Variants in ERAP1 observed in about 807,000 individuals in gnomAD.
ERAP1 encodes the protein endoplasmic reticulum aminopeptidase 1, also known as adipocyte-derived leucine aminopeptidase.
ERAP1 carries 86 observed loss-of-function variants against 103.7 expected under a neutral mutation model. The observed-to-expected ratio is 0.83, with a 90% CI of 0.70 to 0.99. ERAP1 has a LOEUF of 0.99. Ranked by LOEUF, ERAP1 falls within the 50% of genes least tolerant of loss-of-function variation. The pLI is 0.00. For missense variants in ERAP1, 1,009 were observed against 1,128.4 expected (o/e 0.89, Z 1.52); for synonymous variants, 398 against 402.4 (o/e 0.99, Z 0.13).
intron 15 of ERAP1, 81 bp from the exon 16 acceptor site, chr5:96,781,935 G>T: frequency 7.8e-7 from 1 of 1,274,042 alleles, no homozygotes. Flanking sequence ...ACTATGAACT[G>T]CTGAACTTTC....
chr5:96,927,490 T>C, the ERAP1 span, among the ~76,000 whole-genome samples: 1 of 152,184 alleles, frequency 6.6e-6, no homozygotes, highest in Admixed American at 6.5e-5. Flanking sequence ...GCTACTTTTT[T>C]TTTTTGTTTG....
the ERAP1 span, among the ~76,000 whole-genome samples, chr5:96,838,819 A>G: frequency 5.9e-5 from 9 of 152,130 alleles, no homozygotes; most frequent in Admixed American, 5.9e-4. Flanking sequence ...TAACACACAC[A>G]CACACACACA....
chr5:96,925,911 CT>C, the ERAP1 span, among the ~76,000 whole-genome samples: 936 of 105,618 alleles, frequency 8.9e-3, 2 homozygotes, highest in African/African-American at 0.017. Flanking sequence ...GTATAATTTG[CT>C]TTTTTTTTTT....
At chr5:96,820,036 T>A in the ERAP1 span, among the ~76,000 whole-genome samples, 1 of 152,142 alleles carries the variant, frequency 6.6e-6, no homozygotes, top group Non-Finnish European at 1.5e-5. Flanking sequence ...AGAATCCACA[T>A]CCCAACCCAA....
chr5:96,880,778 C>T, the ERAP1 span, among the ~76,000 whole-genome samples: 2 of 152,190 alleles, frequency 1.3e-5, no homozygotes, highest in African/African-American at 4.8e-5. Flanking sequence ...ATGTGCCAGG[C>T]ACTGCACTAG....
rs1013152028 is a variant in ERAP1, at chr5:96,788,704, G to C, written c.1525-19C>G. The stretch of plus-strand genomic sequence containing the variant: ...GCCAATGCTGGTGTGTACACAAAAA[G>C]GCAGACACATCACCCATTTAACCCA... On this transcript the variant is annotated intron_variant, in intron 10 of 18. Transcript: ENST00000443439. The C allele has an allele frequency of 1.1e-5, 17 of 1,612,846 alleles. No individual in the cohort carries two copies. Among genetic ancestry groups the C allele is most frequent in the Non-Finnish European group, 1.4e-5 (17 of 1,179,736 alleles).
At chr5:96,889,359 G>T in the ERAP1 span, 8 of 1,588,266 alleles carry the variant, frequency 5.0e-6, no homozygotes, top group South Asian at 1.1e-5. Flanking sequence ...AACTTGCTTT[G>T]ATCTCTTCCC....
At chr5:96,923,292 A>G in the ERAP1 span, among the ~76,000 whole-genome samples, 6 of 152,312 alleles carry the variant, frequency 3.9e-5, no homozygotes, top group South Asian at 4.1e-4. Context: ...TTTTAAGACC[A>G]AGGGAAACAT....
chr5:96,806,049 A>G (rs2151010554), intron 1 of ERAP1: 1 of 152,210 alleles, frequency 6.6e-6, no homozygotes, highest in East Asian at 1.9e-4. Context: ...GGGCTTGGTA[A>G]AAACTCCATG....
Position 96,800,914 on chromosome 5 carries a change from G to A in ERAP1, c.611C>T (p.Ser204Leu). The change falls in exon 3 of 19, where the codon TCA becomes TTA. Residue 204 changes from serine to leucine, a missense_variant. Around this residue, in one of 3 missense-constraint regions of ERAP1, gnomAD observed 392 missense variants for 455.2 expected, o/e 0.86. Coordinates refer to ENST00000443439, the MANE Select transcript of ERAP1 (RefSeq NM_001040458.3). ...CCTTGGCTCTCTTCTAATTTTGATT[G>A]AGAAACTTGCTTTGAAGGCAGGTTC... ...FDEPAFKASF[S>L]IKIRREPRHL... The A allele has an allele frequency of 1.2e-6, 2 of 1,614,134 alleles. No homozygotes were observed. Among genetic ancestry groups the A allele is most frequent in the Non-Finnish European group, 1.7e-6 (2 of 1,180,020 alleles).
intron 19 of ERAP1, chr5:96,766,247 A>G (rs1458899284): frequency 1.5e-6 from 1 of 669,194 alleles, no homozygotes; most frequent in African/African-American, 1.8e-5. Context: ...ACAATAGCAT[A>G]AAACATACCA....
the ERAP1 span, among the ~76,000 whole-genome samples, chr5:96,861,560 C>T: frequency 6.6e-6 from 1 of 152,158 alleles, no homozygotes; most frequent in Non-Finnish European, 1.5e-5. Flanking sequence ...GGCAATGTTT[C>T]CTCTGATGCT....
At chr5:96,781,328 A>G in intron 16 of ERAP1, 130 bp from the exon 17 acceptor site, 1 of 895,570 alleles carries the variant, frequency 1.1e-6, no homozygotes, top group South Asian at 1.6e-5. Context: ...TAAATGGGTA[A>G]CCACAATCCT....
At chr5:96,787,038 G>A (rs1776105453) in intron 11 of ERAP1, among the ~76,000 whole-genome samples, 1 of 152,100 alleles carries the variant, frequency 6.6e-6, no homozygotes, top group African/African-American at 2.4e-5. Flanking sequence ...AGACTGAAGA[G>A]TTGTTTCAGA....
At chr5:96,872,466 G>C in the ERAP1 span, among the ~76,000 whole-genome samples, 1 of 152,156 alleles carries the variant, frequency 6.6e-6, no homozygotes, top group Non-Finnish European at 1.5e-5. Flanking sequence ...AAGTGTGGTA[G>C]TGCACACCTG....
In ERAP1 at chr5:96,793,597, CAT is replaced by C; in HGVS notation, c.1075-86_1075-85del. The C allele has an allele frequency of 7.7e-6, 9 of 1,166,478 alleles. No homozygotes were observed. The South Asian group carries it at 1.1e-4, about 15-fold the overall frequency. The allele number at this position is 1,166,478 out of a possible 1,614,324, so 72.3% of individuals were successfully genotyped here. ...TCCAATATAAGTTTATGAATGTTAA[CAT>C]ATATTTACAGGACCAATATTTAATC... On this transcript the variant is annotated intron_variant, in intron 6 of 18. Transcript: ENST00000443439.
rs1400781137 is a variant in ERAP1, at chr5:96,775,908, G to T, written c.*488C>A. The stretch of plus-strand genomic sequence containing the variant: ...TTGGCCTTTACAAGTCAGCCCCTGG[G>T]CATGGAGCAAGGAAGAGGGATGGGC... On this transcript the variant is annotated 3_prime_UTR_variant, in exon 19 of 19. Transcript: ENST00000443439. The T allele has an allele frequency of 1.0e-6, 1 of 976,186 alleles. No homozygotes were observed. The highest frequency in any genetic ancestry group is 1.2e-6 in the Non-Finnish European group (1 of 815,640). The allele number at this position is 976,186 out of a possible 1,614,324, so 60.5% of individuals were successfully genotyped here.
At chr5:96,876,557 T>C in the ERAP1 span, 2 of 152,330 alleles carry the variant, frequency 1.3e-5, no homozygotes, top group African/African-American at 2.4e-5. Flanking sequence ...CTTGGGTTTG[T>C]CTTAAAATTA....
chr5:96,771,584 C>T, downstream of ERAP1: 1 of 1,255,228 alleles, frequency 8.0e-7, no homozygotes, highest in Non-Finnish European at 1.1e-6. Flanking sequence ...CTGAGAAGGC[C>T]ATCTCCTCAT....
Sources: gnomAD v4.1 joint callset for allele counts (sites outside exome capture counted in the v4.1 genomes callset) on GRCh38, gnomAD v4.1.1 for gene constraint, gnomAD v4.1.1 regional missense constraint, MANE v1.5 for transcripts, NCBI Gene and HGNC (gene_info 2026-07-23, HGNC 2026-07-21) for gene names.